Variants in EPRS1 observed in about 807,000 individuals in gnomAD.
The protein encoded by EPRS1 is glutamyl-prolyl-tRNA synthetase 1.
EPRS1 carries 107 observed loss-of-function variants against 188.3 expected under a neutral mutation model. The observed-to-expected ratio is 0.57, with a 90% confidence interval of 0.49 to 0.67. EPRS1 has a LOEUF of 0.67. Among genes scored for constraint, EPRS1 ranks in the 30% least tolerant of loss-of-function variants. EPRS1 has a pLI of 0.00. For synonymous variants in EPRS1, 596 were observed against 593.1 expected (o/e 1.00, Z -0.07); for missense variants, 1,577 against 1,802.2 (o/e 0.88, Z 2.26).
In EPRS1 at chr1:219,983,156, C is replaced by T. The variant is rs1166155408; in HGVS notation, c.3300+33G>A. 3.3e-6 allele frequency: 5 copies of T among 1,513,998 alleles called. No homozygotes were observed. The South Asian group carries it at 5.9e-5, about 18-fold the overall frequency. The allele number at this position is 1,513,998 out of a possible 1,614,324, so 93.8% of individuals were successfully genotyped here. On this transcript the variant is annotated intron_variant, in intron 22 of 31. Coordinates refer to ENST00000366923, the MANE Select transcript of EPRS1 (RefSeq NM_004446.3). ...ATATATTTTCCAGTTTGTCAGAGAA[C>T]ATTGCAAAAAATAAAAAAGCAAGCT...
At chr1:220,025,953 C>T (rs1002984013) in intron 6 of EPRS1, among the ~76,000 whole-genome samples, 1 of 152,262 alleles carries the variant, frequency 6.6e-6, no homozygotes, top group Admixed American at 6.5e-5. Flanking sequence ...CGCCACCATG[C>T]CCAGCTAATT....
At chr1:219,969,853 C>T (rs1168450249) in intron 30 of EPRS1, among the ~76,000 whole-genome samples, 2 of 152,092 alleles carry the variant, frequency 1.3e-5, no homozygotes, top group Non-Finnish European at 2.9e-5. Context: ...CACAGTCTTA[C>T]TCTGTCACCC....
Position 219,972,152 on chromosome 1 carries a change from C to G in EPRS1, c.4245-5G>C. On this transcript the variant is annotated splice_polypyrimidine_tract_variant and splice_region_variant and intron_variant, in intron 29 of 31. Coordinates refer to ENST00000366923, the MANE Select transcript of EPRS1 (RefSeq NM_004446.3). The stretch of plus-strand genomic sequence containing the variant: ...GTCTTAAGGTCTTCAGAAGCCCTAC[C>G]AAACAAAATTAGAAAACAATACATA... 6.5e-7 allele frequency: 1 copy of G among 1,540,640 alleles called. No homozygotes were observed. Among genetic ancestry groups the G allele is most frequent in the Non-Finnish European group, 8.8e-7 (1 of 1,136,198 alleles).
chr1:219,977,017 G>A (rs556490454), intron 28 of EPRS1, among the ~76,000 whole-genome samples: 1 of 152,032 alleles, frequency 6.6e-6, no homozygotes, highest in Non-Finnish European at 1.5e-5. Context: ...CTGGGTTCTG[G>A]CCTCACAATC....
At chr1:220,004,188 T>C (rs1571676275) in intron 16 of EPRS1, among the ~76,000 whole-genome samples, 1 of 152,064 alleles carries the variant, frequency 6.6e-6, no homozygotes, top group African/African-American at 2.4e-5. Context: ...CCACCATGCC[T>C]GGTTAATTCT....
intron 2 of EPRS1, among the ~76,000 whole-genome samples, chr1:220,039,265 C>T (rs1199203202): frequency 6.6e-6 from 1 of 152,122 alleles, no homozygotes; most frequent in African/African-American, 2.4e-5. Flanking sequence ...CAAGGGATCC[C>T]ATTAAACCAG....
chr1:220,016,489 C>T (rs555275332), intron 12 of EPRS1, among the ~76,000 whole-genome samples: 125 of 150,716 alleles, frequency 8.3e-4, no homozygotes, highest in African/African-American at 2.1e-3. Context: ...GGACTCACTG[C>T]GGCCTTGACC....
chr1:220,021,812 T>G (rs113307138), intron 9 of EPRS1, among the ~76,000 whole-genome samples: 2,839 of 152,306 alleles, frequency 0.019, 92 homozygotes, highest in African/African-American at 0.065. Context: ...TGTAGTACGC[T>G]TCTTCAAAGT....
Position 220,032,351 on chromosome 1 carries a change from G to GTT in EPRS1, c.528+34_528+35dup, listed in dbSNP as rs1553254086. ...TCCGCCCGCCTCAGCCTCCCAAAGT[G>GTT]TTTTTTTTTTTAAAAAAAAAGAAAA... On this transcript the variant is annotated intron_variant, in intron 5 of 31. Transcript: ENST00000366923. The GTT allele has an allele frequency of 2.0e-4, 239 of 1,194,116 alleles. No homozygotes were observed. The African/African-American group carries it at 2.5e-3, about 13-fold the overall frequency. The allele number at this position is 1,194,116 out of a possible 1,614,324, so 74.0% of individuals were successfully genotyped here. A position where few individuals can be genotyped will look rare whatever the true frequency, so the allele number is the denominator to read the frequency against.
At chr1:220,033,326 G>A (rs1486465924) in intron 4 of EPRS1, among the ~76,000 whole-genome samples, 176 bp downstream of exon 4, 1 of 152,090 alleles carries the variant, frequency 6.6e-6, no homozygotes, top group Admixed American at 6.6e-5. Context: ...TCCCGTAGCT[G>A]GATAGGAATA....
intron 9 of EPRS1, among the ~76,000 whole-genome samples, chr1:220,021,690 T>A (rs930710090): frequency 6.6e-6 from 1 of 152,244 alleles, no homozygotes; most frequent in African/African-American, 2.4e-5. Flanking sequence ...TGTATTTGTC[T>A]ATATATGGAC....
chr1:220,018,759 C>T (rs1249676628), intron 11 of EPRS1, among the ~76,000 whole-genome samples: 2 of 150,310 alleles, frequency 1.3e-5, no homozygotes, highest in Non-Finnish European at 2.9e-5. Context: ...CTTCAGCTGC[C>T]TTTCTCCAAA....
Position 220,025,232 on chromosome 1 carries a change from G to C in EPRS1, c.650C>G (p.Ala217Gly). The C allele has an allele frequency of 6.2e-7, 1 of 1,609,980 alleles. No homozygotes were observed. The highest frequency in any genetic ancestry group is 8.5e-7 in the Non-Finnish European group (1 of 1,178,296). ...CTGGTAGTGCTGGTTCAGAAGAGCA[G>C]CTTTTGCATGCCCAATGTGTAAGTA... ...SGYLHIGHAK[A>G]ALLNQHYQVN... Residue 217 changes from alanine to glycine, a missense_variant, in exon 7 of 32, where the codon GCT becomes GGT. By Grantham distance (60) the Ala-to-Gly change is moderately conservative (BLOSUM62 0). Transcript: ENST00000366923.
intron 16 of EPRS1, among the ~76,000 whole-genome samples, chr1:220,002,452 T>C (rs1661376947): frequency 6.6e-6 from 1 of 152,180 alleles, no homozygotes; most frequent in African/African-American, 2.4e-5. Context: ...TGCCTGCCAC[T>C]AGAAAGGGCG....
At position 220,019,083 on chromosome 1, in the gene EPRS1, G is replaced by C. The variant is rs771408605; in HGVS notation, c.1350-4C>G. 6 of 1,602,262 alleles carry C rather than the reference G, an allele frequency of 3.7e-6. No homozygotes were observed. The highest frequency in any genetic ancestry group is 5.1e-6 in the Non-Finnish European group (6 of 1,169,656). On this transcript the variant is annotated splice_region_variant and splice_polypyrimidine_tract_variant and intron_variant, in intron 10 of 31. Coordinates refer to ENST00000366923, the MANE Select transcript of EPRS1 (RefSeq NM_004446.3). ...CGTAGGAAATCTTGGGTCATCCCTG[G>C]AAATATGTAAATTTTAAGTACCAAG...
chr1:219,978,823 C>T, intron 27 of EPRS1, 104 bp from the exon 28 acceptor site: 1 of 780,490 alleles, frequency 1.3e-6, no homozygotes, highest in Non-Finnish European at 2.0e-6. Context: ...TAACACGAAT[C>T]AGCTGTGTGA....
At chr1:219,992,176 C>T (rs1463203341) in intron 18 of EPRS1, among the ~76,000 whole-genome samples, 1 of 152,092 alleles carries the variant, frequency 6.6e-6, no homozygotes, top group East Asian at 1.9e-4. Context: ...GGATGTATGT[C>T]CTTTCCTGAT....
In EPRS1 at chr1:219,968,666, A is replaced by G; in HGVS notation, c.*140T>C. 1 of 738,362 alleles carries G rather than the reference A, an allele frequency of 1.4e-6. No individual in the cohort carries two copies. The highest frequency in any genetic ancestry group is 2.2e-6 in the Non-Finnish European group (1 of 452,288). The allele number at this position is 738,362 out of a possible 1,614,324, so 45.7% of individuals were successfully genotyped here. On this transcript the variant is annotated 3_prime_UTR_variant, in exon 32 of 32. Transcript: ENST00000366923. ...TCTTTTATCCACTGTTAACTTAGGCATAAGAATAATTGTCCTGTGTGACTT... is the reference window on the plus strand; with the variant it reads ...TCTTTTATCCACTGTTAACTTAGGCGTAAGAATAATTGTCCTGTGTGACTT...
chr1:220,020,092 T>C lies in EPRS1; in HGVS notation c.1245A>G (p.Ile415Met), dbSNP rs1168543739. Residue 415 changes from isoleucine (I) to methionine (M), a missense_variant, in exon 10 of 32, where the codon ATA becomes ATG. Ile to Met is a conservative substitution (Grantham distance 10, BLOSUM62 1). Around this residue, in one of 3 missense-constraint regions of EPRS1, gnomAD observed 1,278 missense variants for 1,457.4 expected, o/e 0.88. Coordinates refer to ENST00000366923, the MANE Select transcript of EPRS1 (RefSeq NM_004446.3). ...TATATTCCCAAATATATGGTTTTCTTATGCCTAAAGCTTCAATAATCCAGT... is the reference window on the plus strand; with the variant it reads ...TATATTCCCAAATATATGGTTTTCTCATGCCTAAAGCTTCAATAATCCAGT... ...QFYWIIEALG[I>M]RKPYIWEYSR... The C allele has an allele frequency of 1.2e-6, 2 of 1,614,054 alleles. No individual in the cohort carries two copies. Among genetic ancestry groups the C allele is most frequent in the South Asian group, 2.2e-5 (2 of 91,082 alleles).
Sources: allele counts gnomAD v4.1 joint callset (sites outside exome capture counted in the v4.1 genomes callset), GRCh38; gene constraint gnomAD v4.1.1; regional missense constraint gnomAD v4.1.1; transcripts MANE v1.5; gene names NCBI Gene and HGNC (gene_info 2026-07-23, HGNC 2026-07-21).